AGBL3: variants seen among roughly 807,000 people sequenced by gnomAD.
The protein encoded by AGBL3 is cytosolic carboxypeptidase 3.
AGBL3 carries 68 observed loss-of-function variants against 94.5 expected under a neutral mutation model. That is an observed-to-expected ratio of 0.72 (90% CI 0.59 to 0.88). The LOEUF is 0.88. AGBL3 is among the 40% of genes least tolerant of loss of function. AGBL3 has a pLI of 0.00. For missense variants in AGBL3, 934 were observed against 1,103.8 expected, an observed-to-expected ratio of 0.85 and a Z score of 2.18; for synonymous variants, 354 against 370.7, an observed-to-expected ratio of 0.95 and a Z score of 0.52.
chr7:135,074,214 C>T (rs905256095), intron 12 of AGBL3, among the ~76,000 whole-genome samples: 2 of 152,032 alleles, frequency 1.3e-5, no homozygotes, highest in African/African-American at 4.8e-5. Context: ...TCAGTTTAGA[C>T]CTCAATAAAG....
rs182791204 is a variant in AGBL3, at chr7:134,990,064, A to T, written c.124+754A>T. Among the ~76,000 whole-genome samples the T allele has an allele frequency of 3.9e-5, 6 of 152,320 alleles. No individual in the cohort carries two copies. In the East Asian group the frequency reaches 5.8e-4, roughly 15 times the overall value. On this transcript the variant is annotated intron_variant, in intron 3 of 16. Coordinates refer to ENST00000436302, the MANE Select transcript of AGBL3 (RefSeq NM_178563.4). ...CAGGAGATAACTCACTCCTTTAACT[A>T]GCATTTCTGGGATTGCTAGAAAAAT...
intron 12 of AGBL3, among the ~76,000 whole-genome samples, chr7:135,066,911 C>T (rs1484917638): frequency 1.3e-5 from 2 of 152,202 alleles, no homozygotes; most frequent in Non-Finnish European, 2.9e-5. Flanking sequence ...GTGCAGTGCA[C>T]CGAGCATGAG....
intron 11 of AGBL3, among the ~76,000 whole-genome samples, chr7:135,053,978 T>C (rs1301277823): frequency 6.6e-6 from 1 of 152,206 alleles, no homozygotes; most frequent in Non-Finnish European, 1.5e-5. Context: ...ACAACAGTTA[T>C]GATATATTAA....
intron 4 of AGBL3, among the ~76,000 whole-genome samples, chr7:134,997,135 A>G (rs1811109670): frequency 6.6e-6 from 1 of 152,184 alleles, no homozygotes. Context: ...GGCATTAGTT[A>G]GATTCTCATG....
At chr7:135,026,253 T>TTTTATTTTATTTTATTTTA (rs1205372887) in intron 5 of AGBL3, among the ~76,000 whole-genome samples, 3,931 of 138,572 alleles carry the variant, frequency 0.028, 180 homozygotes, top group Middle Eastern at 0.051. Flanking sequence ...CATTATTTTA[T>TTTTATTTTATTTTATTTTA]TTTATTTTAT....
chr7:135,027,599 C>T lies in AGBL3; in HGVS notation c.419-5245C>T, dbSNP rs1016322323. Among the ~76,000 whole-genome samples the T allele has an allele frequency of 2.8e-4, 42 of 151,348 alleles. 1 individual carries two copies. The highest frequency in any genetic ancestry group is 9.7e-4 in the African/African-American group (40 of 41,350). On this transcript the variant is annotated intron_variant, in intron 5 of 16. Transcript: ENST00000436302. ...GTGAATTATTTCAAATTTCATTTGT[C>T]TAATCCTGTATTTTTTCCACCACTT...
intron 12 of AGBL3, among the ~76,000 whole-genome samples, chr7:135,063,097 A>G (rs2116714379): frequency 6.6e-6 from 1 of 152,236 alleles, no homozygotes; most frequent in African/African-American, 2.4e-5. Context: ...GGTAGGTTAT[A>G]TGTAGCAAGG....
At chr7:135,025,019 G>C (rs1180340560) in intron 5 of AGBL3, among the ~76,000 whole-genome samples, 1 of 151,562 alleles carries the variant, frequency 6.6e-6, no homozygotes, top group Non-Finnish European at 1.5e-5. Flanking sequence ...GAGGGAAGGA[G>C]AGAGAGTAAG....
At chr7:135,015,524 C>CTTT (rs1245370925) in intron 4 of AGBL3, among the ~76,000 whole-genome samples, 3 of 152,088 alleles carry the variant, frequency 2.0e-5, no homozygotes, top group Admixed American at 1.3e-4. Context: ...ATCTGATTCT[C>CTTT]AAAACATGGC....
At chr7:135,039,868 A>T (rs1816677509) in intron 8 of AGBL3, among the ~76,000 whole-genome samples, 1 of 152,070 alleles carries the variant, frequency 6.6e-6, no homozygotes, top group Non-Finnish European at 1.5e-5. Context: ...TTGGAAAATG[A>T]GAGACAATGA....
intron 1 of AGBL3, among the ~76,000 whole-genome samples, chr7:134,987,141 A>AT (rs1809563693): frequency 6.6e-6 from 1 of 152,196 alleles, no homozygotes; most frequent in African/African-American, 2.4e-5. Flanking sequence ...ATTGGCAGTG[A>AT]TTTGCCATAG....
At chr7:135,017,603 C>CCAAGTT (rs1813956564) in intron 5 of AGBL3, among the ~76,000 whole-genome samples, 1 of 152,160 alleles carries the variant, frequency 6.6e-6, no homozygotes, top group Non-Finnish European at 1.5e-5. Flanking sequence ...TGCAAAAAAT[C>CCAAGTT]AAACATAGAA....
rs552036504 is a variant in AGBL3 at position 135,095,991 on chromosome 7, A to G, written c.2110+14201A>G. 2.0e-5 allele frequency among the ~76,000 whole-genome samples: 3 copies of G among 152,218 alleles called. No individual in the cohort carries two copies. The East Asian group carries it at 5.8e-4, about 29-fold the overall frequency. On this transcript the variant is annotated intron_variant, in intron 15 of 16. Transcript: ENST00000436302. The stretch of plus-strand genomic sequence containing the variant: ...ACATGGTGAAACCCTGTCTCTACTA[A>G]AACTACAAAAATCAGCTGGGTGTAG...
At chr7:134,994,353 T>C (rs943143811) in intron 4 of AGBL3, among the ~76,000 whole-genome samples, 1 of 152,222 alleles carries the variant, frequency 6.6e-6, no homozygotes, top group Admixed American at 6.5e-5. Context: ...AATGGATGTT[T>C]ATGAAACTGA....
In AGBL3 at chr7:135,017,247, G is replaced by A. The variant is rs1438903373; in HGVS notation, c.418+88G>A. ...TTATATTTGTTTTGCTGTTTGTAGT[G>A]GAAATTTCAGATGACCAGTCCCTAA... On this transcript the variant is annotated intron_variant, in intron 5 of 16. Transcript: ENST00000436302. The A allele has an allele frequency of 1.9e-5, 18 of 961,712 alleles. No individual in the cohort carries two copies. The South Asian group carries it at 2.0e-4, about 11-fold the overall frequency. The allele number at this position is 961,712 out of a possible 1,614,324, so 59.6% of individuals were successfully genotyped here. A position where few individuals can be genotyped will look rare whatever the true frequency, so the allele number is the denominator to read the frequency against.
intron 11 of AGBL3, among the ~76,000 whole-genome samples, chr7:135,053,925 T>A (rs968934082): frequency 6.6e-6 from 1 of 152,202 alleles, no homozygotes; most frequent in Admixed American, 6.5e-5. Flanking sequence ...ACATAGACCT[T>A]TCAGTATAGA....
At chr7:135,044,920 G>T (rs1817212955) in intron 9 of AGBL3, among the ~76,000 whole-genome samples, 1 of 16,098 alleles carries the variant, frequency 6.2e-5, no homozygotes, top group African/African-American at 8.7e-5. Flanking sequence ...GTGTCCATGT[G>T]TTCTCATTGT....
chr7:135,066,573 T>G (rs533688648), intron 12 of AGBL3, among the ~76,000 whole-genome samples: 3 of 152,314 alleles, frequency 2.0e-5, no homozygotes, highest in African/African-American at 7.2e-5. Context: ...TCAAAAAAAT[T>G]TAAAAGTGAA....
intron 11 of AGBL3, among the ~76,000 whole-genome samples, chr7:135,058,602 T>C (rs756275967): frequency 6.6e-6 from 1 of 151,968 alleles, no homozygotes; most frequent in African/African-American, 2.4e-5. Flanking sequence ...ACTCTGGTGA[T>C]ACAGCAGTGA....
Sources: gnomAD v4.1 joint callset for allele counts (sites outside exome capture counted in the v4.1 genomes callset) on GRCh38, gnomAD v4.1.1 for gene constraint, MANE v1.5 for transcripts, NCBI Gene and HGNC (gene_info 2026-07-23, HGNC 2026-07-21) for gene names.